Variants in BPIFA2 observed in about 807,000 individuals in gnomAD.
BPIFA2 encodes BPI fold containing family A member 2, also known as BPI fold-containing family A member 2.
A neutral mutation model predicts 25.7 loss-of-function variants in BPIFA2; 20 were observed. That is an observed-to-expected ratio of 0.78 (90% confidence interval 0.55 to 1.13). BPIFA2 has a LOEUF of 1.13. Ranked by LOEUF, BPIFA2 falls within the 50% of genes most tolerant of loss-of-function variation. BPIFA2 has a pLI of 0.00. For missense variants in BPIFA2, 300 were observed against 298.1 expected, an observed-to-expected ratio of 1.01 and a Z score of -0.05; for synonymous variants, 126 against 124.3, an observed-to-expected ratio of 1.01 and a Z score of -0.09.
Position 33,178,212 on chromosome 20 carries a change from C to A in BPIFA2, c.629C>A (p.Ser210Tyr). The A allele has an allele frequency of 1.9e-6, 3 of 1,598,624 alleles. No individual in the cohort carries two copies. Among genetic ancestry groups the A allele is most frequent in the Non-Finnish European group, 2.6e-6 (3 of 1,168,150 alleles). ...AACACGCTGAAAAGCACTGTATCCTCCCTGCTGCAGAAGGAGGTGAGTCTC... is the reference window on the plus strand; with the variant it reads ...AACACGCTGAAAAGCACTGTATCCTACCTGCTGCAGAAGGAGGTGAGTCTC... ...VINTLKSTVS[S>Y]LLQKEICPLI... The change falls in exon 6 of 9, where the codon TCC becomes TAC. Residue 210 changes from serine to tyrosine, a missense_variant. Transcript: ENST00000354932.
chr20:33,162,559 A>T (rs1983612414), intron 1 of BPIFA2, among the ~76,000 whole-genome samples: 1 of 152,154 alleles, frequency 6.6e-6, no homozygotes, highest in South Asian at 2.1e-4. Context: ...CTGAGCACTT[A>T]TGATGTGCCC....
intron 4 of BPIFA2, 115 bp downstream of exon 4, chr20:33,174,301 T>A: frequency 1.1e-6 from 1 of 875,086 alleles, no homozygotes; most frequent in Non-Finnish European, 1.9e-6. Flanking sequence ...GGCCTCAGTT[T>A]CCCAATCTGT....
chr20:33,173,047 G>A lies in BPIFA2; in HGVS notation c.273G>A (p.Lys91=), dbSNP rs1168357540. 14 of 1,614,046 alleles carry A rather than the reference G, an allele frequency of 8.7e-6. No individual in the cohort carries two copies. The highest frequency in any genetic ancestry group is 1.1e-5 in the South Asian group (1 of 91,044). Reference sequence around the variant, plus strand: ...AATTGCTGAACAATGTCATTTCTAAGCTGCTTCCAACTAACACGGACATTT... The same window carrying A: ...AATTGCTGAACAATGTCATTTCTAAACTGCTTCCAACTAACACGGACATTT... The part of the protein sequence containing the change: ...AEKLLNNVIS[K]LLPTNTDIFG... The change falls in exon 3 of 9, where the codon AAG becomes AAA. Residue 91 remains lysine, a synonymous_variant. Coordinates refer to ENST00000354932, the MANE Select transcript of BPIFA2 (RefSeq NM_080574.4).
chr20:33,175,367 A>C lies in BPIFA2; in HGVS notation c.411-40A>C, dbSNP rs752181887. ...GAACCCAACTGGGCAACAGGCAGGA[A>C]CTTCTAGACTTTGTTCACTGTGCAT... On this transcript the variant is annotated intron_variant, in intron 4 of 8. Coordinates refer to ENST00000354932, the MANE Select transcript of BPIFA2 (RefSeq NM_080574.4). 8 of 1,587,252 alleles carry C rather than the reference A, an allele frequency of 5.0e-6. No individual in the cohort carries two copies. The South Asian group carries it at 9.2e-5, about 18-fold the overall frequency.
rs1984245931 is a variant in BPIFA2 at position 33,180,609 on chromosome 20, G to C, written c.*37+12G>C. 1.9e-6 allele frequency: 3 copies of C among 1,572,486 alleles called. No homozygotes were observed. Among genetic ancestry groups the C allele is most frequent in the Non-Finnish European group, 2.6e-6 (3 of 1,142,344 alleles). ...TGTGGTGCATGCTGGTGAGGAGCCA[G>C]TCTCTGTGCCCCAATGCACAGGGGC... On this transcript the variant is annotated intron_variant, in intron 8 of 8. Coordinates refer to ENST00000354932, the MANE Select transcript of BPIFA2 (RefSeq NM_080574.4).
At chr20:33,163,401 A>G (rs1331385357), upstream of BPIFA2, among the ~76,000 whole-genome samples, 1 of 152,120 alleles carries the variant, frequency 6.6e-6, no homozygotes, top group African/African-American at 2.4e-5. Context: ...CTAACCCACA[A>G]CCCTTCAACC....
intron 1 of BPIFA2, among the ~76,000 whole-genome samples, chr20:33,163,139 T>C (rs1253539423): frequency 6.6e-6 from 1 of 152,196 alleles, no homozygotes; most frequent in African/African-American, 2.4e-5. Context: ...AGACGCTCTG[T>C]AAGTGTGTGA....
upstream of BPIFA2, among the ~76,000 whole-genome samples, chr20:33,167,023 G>A (rs1447602517): frequency 1.3e-5 from 2 of 152,214 alleles, no homozygotes; most frequent in African/African-American, 4.8e-5. Context: ...GGGTCTAATG[G>A]TCTGGGCTCT....
In BPIFA2 at chr20:33,179,634, TC is replaced by T; in HGVS notation, c.679del (p.Leu227TrpfsTer3). ...ICPLIRIFIH[S>X]LDVNVIQQVV... Reference sequence around the variant, plus strand: ...TCCACTGATCCGCATCTTCATCCACTCCCTGGATGTGAATGTCATTCAGCAG... The same window carrying T: ...TCCACTGATCCGCATCTTCATCCACTCCTGGATGTGAATGTCATTCAGCAG... On this transcript the variant is annotated frameshift_variant, in exon 7 of 9. Transcript: ENST00000354932. LOFTEE classifies it high-confidence loss of function. The T allele has an allele frequency of 6.2e-7, 1 of 1,612,954 alleles. No individual in the cohort carries two copies. The highest frequency in any genetic ancestry group is 1.1e-5 in the South Asian group (1 of 91,062).
intron 5 of BPIFA2, among the ~76,000 whole-genome samples, chr20:33,177,065 G>A (rs111778110): frequency 5.3e-5 from 8 of 152,154 alleles, no homozygotes; most frequent in Non-Finnish European, 1.0e-4. Context: ...AGCCAAAAAT[G>A]TATTGAGGCT....
At chr20:33,167,600 T>C (rs949408852), upstream of BPIFA2, among the ~76,000 whole-genome samples, 1 of 152,274 alleles carries the variant, frequency 6.6e-6, no homozygotes, top group South Asian at 2.1e-4. Context: ...AAGTGCCCTT[T>C]AGGGACACCA....
At chr20:33,176,809 C>A (rs1203715557) in intron 5 of BPIFA2, among the ~76,000 whole-genome samples, 2 of 152,162 alleles carry the variant, frequency 1.3e-5, no homozygotes, top group African/African-American at 4.8e-5. Flanking sequence ...GATACAGTGG[C>A]CTTTGTGCCA....
Position 33,175,557 on chromosome 20 carries a change from C to A in BPIFA2, c.561C>A (p.Asp187Glu). The change falls in exon 5 of 9, where the codon GAC becomes GAA. Residue 187 changes from aspartate (D) to glutamate (E), a missense_variant and splice_region_variant. Asp to Glu is a conservative substitution (Grantham distance 45, BLOSUM62 2). Transcript: ENST00000354932. ...CCAGCATCTCACTTTCCTTGCTGGACAAGTAAGTCCCATTCATCTTAGTAG... is the reference window on the plus strand; with the variant it reads ...CCAGCATCTCACTTTCCTTGCTGGAAAAGTAAGTCCCATTCATCTTAGTAG... ...DPTSISLSLL[D>E]KHSQIINKFV... 6.2e-7 allele frequency: 1 copy of A among 1,613,778 alleles called. No homozygotes were observed. The highest frequency in any genetic ancestry group is 1.7e-5 in the Admixed American group (1 of 60,000).
At chr20:33,165,816 T>C (rs545680037), upstream of BPIFA2, among the ~76,000 whole-genome samples, 4 of 152,254 alleles carry the variant, frequency 2.6e-5, no homozygotes, top group African/African-American at 9.6e-5. Context: ...GAGAAGACTT[T>C]GTGTAACCTG....
Position 33,172,957 on chromosome 20 carries a change from C to T in BPIFA2, c.183C>T (p.Asp61=). ...GCATCCTTGAGAAACTGAAGGTCGA[C>T]CTAGGAGTGCTTCAGAAATCCAGTG... ...LKGILEKLKV[D]LGVLQKSSAW... is the part of the protein sequence containing the mutation. Residue 61 remains aspartate (D), a synonymous_variant, in exon 3 of 9, where the codon GAC becomes GAT. Coordinates refer to ENST00000354932, the MANE Select transcript of BPIFA2 (RefSeq NM_080574.4). 1 of 1,613,828 alleles carries T rather than the reference C, an allele frequency of 6.2e-7. No homozygotes were observed. Among genetic ancestry groups the T allele is most frequent in the Non-Finnish European group, 8.5e-7 (1 of 1,179,924 alleles).
At chr20:33,175,269 G>T in intron 4 of BPIFA2, 138 bp from the exon 5 acceptor site, 1 of 833,106 alleles carries the variant, frequency 1.2e-6, no homozygotes. Context: ...AGAGGATATG[G>T]ACCATGTTGA....
chr20:33,175,494 G>A lies in BPIFA2; in HGVS notation c.498G>A (p.Gln166=). ...TTGAAACTGATCCCCAGACACACCA[G>A]CCTGTTGCCGTCCTGGGAGAATGCG... ...VTIETDPQTH[Q]PVAVLGECAS... The change falls in exon 5 of 9, where the codon CAG becomes CAA. Residue 166 remains glutamine, a synonymous_variant. Coordinates refer to ENST00000354932, the MANE Select transcript of BPIFA2 (RefSeq NM_080574.4). The A allele has an allele frequency of 6.2e-7, 1 of 1,614,154 alleles. No homozygotes were observed. The highest frequency in any genetic ancestry group is 1.7e-5 in the Admixed American group (1 of 60,020).
chr20:33,173,392 T>C (rs972486241), intron 3 of BPIFA2, among the ~76,000 whole-genome samples: 1 of 152,200 alleles, frequency 6.6e-6, no homozygotes, highest in African/African-American at 2.4e-5. Flanking sequence ...ACTTCCCTTT[T>C]CCATATATAA....
intron 5 of BPIFA2, 122 bp downstream of exon 5, chr20:33,175,681 G>A: frequency 9.2e-7 from 1 of 1,085,120 alleles, no homozygotes. Flanking sequence ...CTGGAGTCAT[G>A]TTGACCTTGG....
Sources: gnomAD v4.1 joint callset for allele counts (sites outside exome capture counted in the v4.1 genomes callset) on GRCh38, gnomAD v4.1.1 for gene constraint, MANE v1.5 for transcripts, NCBI Gene and HGNC (gene_info 2026-07-23, HGNC 2026-07-21) for gene names.